CSTPP1: variants seen among roughly 807,000 people sequenced by gnomAD.
CSTPP1 encodes centriolar satellite-associated tubulin polyglutamylase complex regulator 1.
At chr11:47,093,756 T>C in the CSTPP1 span, among the ~76,000 whole-genome samples, 4 of 152,098 alleles carry the variant, frequency 2.6e-5, no homozygotes, top group African/African-American at 7.2e-5. Flanking sequence ...GCCTCATAGG[T>C]TGGGAAGGGA....
chr11:47,060,612 G>T, the CSTPP1 span, among the ~76,000 whole-genome samples: 5 of 152,244 alleles, frequency 3.3e-5, no homozygotes, highest in African/African-American at 1.2e-4. Flanking sequence ...GCACTAAAAA[G>T]CATAAGAATG....
chr11:47,046,858 G>A, the CSTPP1 span, among the ~76,000 whole-genome samples: 1 of 146,714 alleles, frequency 6.8e-6, no homozygotes, highest in Admixed American at 6.8e-5. Flanking sequence ...TAGAGATGGG[G>A]TTTCACCATG....
the CSTPP1 span, among the ~76,000 whole-genome samples, chr11:47,106,116 C>A: frequency 1.3e-5 from 2 of 152,152 alleles, no homozygotes; most frequent in African/African-American, 4.8e-5. Flanking sequence ...TAAGCACACA[C>A]CTTGCATGAG....
At chr11:47,061,728 C>A in the CSTPP1 span, among the ~76,000 whole-genome samples, 3 of 152,298 alleles carry the variant, frequency 2.0e-5, no homozygotes, top group African/African-American at 7.2e-5. Context: ...AGACAATCAA[C>A]AAGAATTTCA....
chr11:47,080,607 T>G, the CSTPP1 span, among the ~76,000 whole-genome samples: 1 of 152,224 alleles, frequency 6.6e-6, no homozygotes, highest in East Asian at 1.9e-4. Context: ...GCAGGTGATA[T>G]GATTACTTAG....
chr11:47,044,825 C>G, the CSTPP1 span, among the ~76,000 whole-genome samples: 3 of 152,126 alleles, frequency 2.0e-5, no homozygotes, highest in Non-Finnish European at 4.4e-5. Flanking sequence ...GGGAGGATCA[C>G]TTGAACCCAG....
the CSTPP1 span, among the ~76,000 whole-genome samples, chr11:46,964,958 G>A: frequency 6.6e-6 from 1 of 152,216 alleles, no homozygotes; most frequent in South Asian, 2.1e-4. Flanking sequence ...AGGAATTAGG[G>A]AGGGCTAAGG....
the CSTPP1 span, among the ~76,000 whole-genome samples, chr11:47,094,186 G>C: frequency 6.6e-6 from 1 of 152,154 alleles, no homozygotes; most frequent in African/African-American, 2.4e-5. Context: ...AGATAATAAA[G>C]CAGGTACTAG....
At chr11:47,149,941 G>A in the CSTPP1 span, among the ~76,000 whole-genome samples, 1 of 151,878 alleles carries the variant, frequency 6.6e-6, no homozygotes, top group African/African-American at 2.4e-5. Flanking sequence ...CACAATCCTA[G>A]AACTAAGCAG....
At chr11:46,968,271 C>T in the CSTPP1 span, among the ~76,000 whole-genome samples, 2 of 150,674 alleles carry the variant, frequency 1.3e-5, no homozygotes, top group African/African-American at 2.4e-5. Flanking sequence ...TTTTATTTAA[C>T]ACTATTTTAA....
chr11:46,937,130 G>T, the CSTPP1 span, among the ~76,000 whole-genome samples: 2 of 152,198 alleles, frequency 1.3e-5, no homozygotes, highest in East Asian at 3.8e-4. Flanking sequence ...GGCCCTGTTG[G>T]GGTATTATTG....
the CSTPP1 span, among the ~76,000 whole-genome samples, chr11:47,042,728 G>A: frequency 1.5e-4 from 23 of 152,144 alleles, no homozygotes; most frequent in Non-Finnish European, 4.4e-5. Context: ...GACATATGGT[G>A]TACTTCTGTA....
the CSTPP1 span, among the ~76,000 whole-genome samples, chr11:47,065,751 A>T: frequency 1.1e-4 from 16 of 151,182 alleles, no homozygotes; most frequent in African/African-American, 3.6e-4. Flanking sequence ...TATTATTATT[A>T]TTATTTTTTT....
chr11:47,028,863 G>T, the CSTPP1 span, among the ~76,000 whole-genome samples: 2 of 151,544 alleles, frequency 1.3e-5, no homozygotes, highest in African/African-American at 4.9e-5. Flanking sequence ...TTTGAGACAA[G>T]GTCTGGCTGT....
the CSTPP1 span, among the ~76,000 whole-genome samples, chr11:46,943,877 T>C: frequency 1.3e-5 from 2 of 151,778 alleles, no homozygotes; most frequent in African/African-American, 4.8e-5. Flanking sequence ...AAAAAATAGC[T>C]GGGTGCAACA....
At chr11:47,016,390 C>CAAAAAAAAAAAAATAAAAAA in the CSTPP1 span, among the ~76,000 whole-genome samples, 1 of 125,850 alleles carries the variant, frequency 7.9e-6, no homozygotes, top group Non-Finnish European at 1.6e-5. Context: ...ATGGAATCTA[C>CAAAAAAAAAAAAATAAAAAA]AAAAAACAAA....
At chr11:46,980,263 T>C in the CSTPP1 span, among the ~76,000 whole-genome samples, 5 of 152,308 alleles carry the variant, frequency 3.3e-5, no homozygotes, top group Admixed American at 3.3e-4. Flanking sequence ...TAAAGATCTT[T>C]AGACACCTCT....
chr11:47,019,580 G>A, the CSTPP1 span, among the ~76,000 whole-genome samples: 13 of 152,200 alleles, frequency 8.5e-5, no homozygotes, highest in Admixed American at 2.0e-4. Flanking sequence ...GAGGGAGAAA[G>A]AGGAATGGCT....
chr11:47,065,349 G>A, the CSTPP1 span, among the ~76,000 whole-genome samples: 3 of 151,604 alleles, frequency 2.0e-5, no homozygotes, highest in Non-Finnish European at 4.4e-5. Flanking sequence ...TTGCTCTGTT[G>A]CCCTGGCTGG....
Sources: allele counts gnomAD v4.1 joint callset (sites outside exome capture counted in the v4.1 genomes callset), GRCh38; gene constraint gnomAD v4.1.1; transcripts MANE v1.5; gene names NCBI Gene and HGNC (gene_info 2026-07-23, HGNC 2026-07-21).